The following GNB4 variants were observed in gnomAD, a reference collection of about 807,000 sequenced individuals.
GNB4 encodes guanine nucleotide-binding protein subunit beta-4.
Under a neutral mutation model 45.2 loss-of-function variants are expected in GNB4, and 28 were observed. That is an observed-to-expected ratio of 0.62 (90% CI 0.46 to 0.85). GNB4 has a LOEUF of 0.85. Ranked by LOEUF, GNB4 falls within the 40% of genes least tolerant of loss-of-function variation. The pLI is 0.00. For missense variants in GNB4, 321 were observed against 425.4 expected (o/e 0.75, Z 2.16); for synonymous variants, 132 against 143.7 (o/e 0.92, Z 0.58).
chr3:179,411,774 G>A (rs1364470785), intron 8 of GNB4, among the ~76,000 whole-genome samples: 1 of 152,132 alleles, frequency 6.6e-6, no homozygotes, highest in South Asian at 2.1e-4. Context: ...ATAAAATCAT[G>A]TAAAAAAAGT....
the GNB4 span, among the ~76,000 whole-genome samples, chr3:179,506,557 T>C: frequency 6.6e-6 from 1 of 152,054 alleles, no homozygotes; most frequent in Non-Finnish European, 1.5e-5. Flanking sequence ...GTGATAGCAA[T>C]GACAATGAAA....
At chr3:179,498,755 T>TTG in the GNB4 span, among the ~76,000 whole-genome samples, 3 of 145,560 alleles carry the variant, frequency 2.1e-5, no homozygotes, top group Admixed American at 2.0e-4. Flanking sequence ...TTTGGTTTTT[T>TTG]TTTTTTTTTT....
At chr3:179,482,141 C>T in the GNB4 span, among the ~76,000 whole-genome samples, 1 of 152,126 alleles carries the variant, frequency 6.6e-6, no homozygotes, top group Non-Finnish European at 1.5e-5. Flanking sequence ...GTAATCCTTT[C>T]ACCTCAGTTT....
chr3:179,435,828 G>A (rs1715432538), intron 1 of GNB4, among the ~76,000 whole-genome samples: 1 of 152,156 alleles, frequency 6.6e-6, no homozygotes, highest in Non-Finnish European at 1.5e-5. Context: ...AGATACTAAT[G>A]AGCCACTGTA....
chr3:179,519,810 T>A, the GNB4 span, among the ~76,000 whole-genome samples: 1 of 152,184 alleles, frequency 6.6e-6, no homozygotes, highest in Admixed American at 6.5e-5. Flanking sequence ...CACCATCCCA[T>A]TAAAATCTAA....
intron 1 of GNB4, among the ~76,000 whole-genome samples, chr3:179,439,210 C>A (rs558619530): frequency 1.3e-5 from 2 of 152,150 alleles, no homozygotes; most frequent in African/African-American, 4.8e-5. Flanking sequence ...TTTACACAAG[C>A]AGTTTAACAT....
the GNB4 span, among the ~76,000 whole-genome samples, chr3:179,475,959 G>A: frequency 7.2e-5 from 11 of 152,126 alleles, no homozygotes; most frequent in Admixed American, 5.9e-4. Context: ...AACTGCCTCT[G>A]GTCCACCAAA....
At chr3:179,424,714 C>T (rs2108601404) in intron 2 of GNB4, among the ~76,000 whole-genome samples, 1 of 152,328 alleles carries the variant, frequency 6.6e-6, no homozygotes, top group South Asian at 2.1e-4. Flanking sequence ...AAGCAATCCT[C>T]CCACCTCAGC....
At chr3:179,423,450 G>A (rs1249796021) in intron 2 of GNB4, among the ~76,000 whole-genome samples, 1 of 152,186 alleles carries the variant, frequency 6.6e-6, no homozygotes, top group Admixed American at 6.5e-5. Context: ...TGGGGTACTG[G>A]TACTCTTGCT....
chr3:179,432,349 C>A (rs1190016952), intron 1 of GNB4, among the ~76,000 whole-genome samples: 1 of 151,986 alleles, frequency 6.6e-6, no homozygotes, highest in East Asian at 1.9e-4. Flanking sequence ...TAAAAAAAAA[C>A]ACAACTGATT....
the GNB4 span, among the ~76,000 whole-genome samples, chr3:179,485,622 G>A: frequency 8.6e-5 from 13 of 152,026 alleles, no homozygotes; most frequent in Non-Finnish European, 1.6e-4. Flanking sequence ...CTTAACCTCC[G>A]AATTGCACTG....
At chr3:179,464,756 C>T in the GNB4 span, 1 of 1,229,028 alleles carries the variant, frequency 8.1e-7, no homozygotes, top group Admixed American at 1.7e-5. Context: ...CTCTTCCAGA[C>T]ATATTGATGA....
the GNB4 span, among the ~76,000 whole-genome samples, chr3:179,519,364 C>G: frequency 6.6e-6 from 1 of 152,238 alleles, no homozygotes; most frequent in Admixed American, 6.5e-5. Flanking sequence ...CAAAAGCCCT[C>G]TAGACCATAA....
chr3:179,406,139 C>T (rs1714464215), intron 8 of GNB4, among the ~76,000 whole-genome samples: 3 of 152,088 alleles, frequency 2.0e-5, no homozygotes, highest in South Asian at 4.1e-4. Flanking sequence ...AATTCTACTT[C>T]GGTTAATAGT....
the GNB4 span, among the ~76,000 whole-genome samples, chr3:179,457,374 T>A: frequency 2.0e-5 from 3 of 152,214 alleles, no homozygotes; most frequent in Non-Finnish European, 4.4e-5. Context: ...ATTCCACTGG[T>A]TTTCCCCTTT....
In GNB4 at chr3:179,398,073, A is replaced by G. The variant is rs1412783300; in HGVS notation, c.*3140T>C. 2 of 152,142 alleles carry G rather than the reference A, an allele frequency of 1.3e-5. No individual in the cohort carries two copies. Among genetic ancestry groups the G allele is most frequent in the Admixed American group, 6.6e-5 (1 of 15,262 alleles). The allele number at this position is 152,142 out of a possible 1,614,324, so 9.4% of individuals were successfully genotyped here. ...AGGTTTTTGGGACGATATGCTCAACACCACAGGGTGATAACATACTTAGAA... is the reference window on the plus strand; with the variant it reads ...AGGTTTTTGGGACGATATGCTCAACGCCACAGGGTGATAACATACTTAGAA... On this transcript the variant is annotated 3_prime_UTR_variant, in exon 10 of 10. Transcript: ENST00000232564.
the GNB4 span, among the ~76,000 whole-genome samples, chr3:179,489,442 G>A: frequency 6.6e-6 from 1 of 151,950 alleles, no homozygotes; most frequent in East Asian, 1.9e-4. Context: ...TTCAAGACCA[G>A]CCTGGGCAAC....
the GNB4 span, among the ~76,000 whole-genome samples, chr3:179,488,776 A>G: frequency 6.6e-6 from 1 of 151,438 alleles, no homozygotes; most frequent in Non-Finnish European, 1.5e-5. Flanking sequence ...TGAGCTCAGG[A>G]GTTCGAGACC....
At chr3:179,473,409 A>C in the GNB4 span, among the ~76,000 whole-genome samples, 1 of 152,014 alleles carries the variant, frequency 6.6e-6, no homozygotes, top group South Asian at 2.1e-4. Context: ...TTTAATTATG[A>C]ATTATTTCAT....
Sources: gnomAD v4.1 joint callset for allele counts (sites outside exome capture counted in the v4.1 genomes callset) on GRCh38, gnomAD v4.1.1 for gene constraint, MANE v1.5 for transcripts, NCBI Gene and HGNC (gene_info 2026-07-23, HGNC 2026-07-21) for gene names.